The following UBE3A variants were observed in gnomAD, a reference collection of about 807,000 sequenced individuals.
The protein encoded by UBE3A is ubiquitin protein ligase E3A, also known as ubiquitin-protein ligase E3A.
In UBE3A, 6 loss-of-function variants were observed where a neutral mutation model predicts 83.4. The observed-to-expected ratio is 0.07, with a 90% CI of 0.04 to 0.14. UBE3A has a LOEUF of 0.14. Ranked by LOEUF, UBE3A falls within the 10% of genes least tolerant of loss-of-function variation. UBE3A has a pLI of 1.00. For missense variants in UBE3A, 456 were observed against 1,036.1 expected (o/e 0.44, Z 7.69); for synonymous variants, 337 against 355.4 (o/e 0.95, Z 0.58).
intron 6 of UBE3A, among the ~76,000 whole-genome samples, chr15:25,367,211 ATG>A (rs2079337391): frequency 9.6e-6 from 1 of 104,486 alleles, no homozygotes; most frequent in Non-Finnish European, 1.8e-5. Context: ...ATTTGTAAAT[ATG>A]TAAATATTTA....
intron 6 of UBE3A, among the ~76,000 whole-genome samples, chr15:25,364,031 A>G (rs1566926260): frequency 1.5e-5 from 1 of 67,686 alleles, no homozygotes; most frequent in South Asian, 4.0e-4. Context: ...GTTTCTACAA[A>G]AAACTAATAA....
intron 1 of UBE3A, chr15:25,415,722 C>T (rs185520049): frequency 1.3e-5 from 2 of 152,002 alleles, no homozygotes; most frequent in East Asian, 3.9e-4. Context: ...TACATTACAG[C>T]TATCTGTATA....
At chr15:25,389,261 C>CAAAAAA in intron 4 of UBE3A, among the ~76,000 whole-genome samples, 1 of 146,184 alleles carries the variant, frequency 6.8e-6, no homozygotes, top group Non-Finnish European at 1.5e-5. Flanking sequence ...CATCCACATG[C>CAAAAAA]AAAAAAAAAA....
intron 12 of UBE3A, 96 bp downstream of exon 12, chr15:25,339,989 G>T (rs879573421): frequency 1.1e-5 from 17 of 1,486,092 alleles, no homozygotes; most frequent in Admixed American, 3.4e-5. Flanking sequence ...ATAAAATCAC[G>T]AATGTGCTCA....
At chr15:25,425,857 G>A (rs1249870828) in intron 1 of UBE3A, among the ~76,000 whole-genome samples, 1 of 152,106 alleles carries the variant, frequency 6.6e-6, no homozygotes, top group African/African-American at 2.4e-5. Context: ...AACTTTTCAT[G>A]ATTTATGAGC....
At chr15:25,428,863 C>A (rs1019038668) in intron 1 of UBE3A, among the ~76,000 whole-genome samples, 1 of 152,110 alleles carries the variant, frequency 6.6e-6, no homozygotes, top group Non-Finnish European at 1.5e-5. Flanking sequence ...CCAGCAATTT[C>A]ACTTCTACGG....
At chr15:25,389,632 C>T (rs1161736478) in intron 4 of UBE3A, among the ~76,000 whole-genome samples, 1 of 152,130 alleles carries the variant, frequency 6.6e-6, no homozygotes, top group African/African-American at 2.4e-5. Context: ...TGGTGGCTCA[C>T]ATCCCAGCAC....
intron 3 of UBE3A, chr15:25,407,205 A>T (rs553139617): frequency 2.3e-6 from 3 of 1,313,528 alleles, no homozygotes; most frequent in Admixed American, 2.1e-5. Context: ...CCAGCATCAG[A>T]TGTCATACTG....
At chr15:25,427,202 G>A (rs1424851040) in intron 1 of UBE3A, among the ~76,000 whole-genome samples, 1 of 151,966 alleles carries the variant, frequency 6.6e-6, no homozygotes, top group Non-Finnish European at 1.5e-5. Flanking sequence ...AACATTTACT[G>A]TTCTCAAAAT....
chr15:25,408,585 G>A, intron 3 of UBE3A: 5 of 1,613,626 alleles, frequency 3.1e-6, no homozygotes, highest in Middle Eastern at 1.7e-4. Context: ...TCTGAATACT[G>A]CAGCATGAGC....
At chr15:25,427,623 A>AAC (rs1567180802) in intron 1 of UBE3A, among the ~76,000 whole-genome samples, 4 of 148,146 alleles carry the variant, frequency 2.7e-5, no homozygotes, top group Non-Finnish European at 6.0e-5. Flanking sequence ...AAAAAAAAAA[A>AAC]AAAAAAAACC....
At chr15:25,418,227 G>C (rs182106790) in intron 1 of UBE3A, 1 of 152,018 alleles carries the variant, frequency 6.6e-6, no homozygotes, top group East Asian at 1.9e-4. Flanking sequence ...GTCAGCATGC[G>C]GCACATGACT....
intron 6 of UBE3A, among the ~76,000 whole-genome samples, chr15:25,369,832 T>A (rs1213784374): frequency 6.6e-6 from 1 of 152,134 alleles, no homozygotes; most frequent in Non-Finnish European, 1.5e-5. Flanking sequence ...GGCAACCCCA[T>A]CTGGAAAACC....
In UBE3A at chr15:25,370,411, G is replaced by T. The variant is rs930366980; in HGVS notation, c.1608+155C>A. Among the ~76,000 whole-genome samples, 1 of 152,020 alleles carries T rather than the reference G, an allele frequency of 6.6e-6. No homozygotes were observed. Among genetic ancestry groups the T allele is most frequent in the Non-Finnish European group, 1.5e-5 (1 of 68,012 alleles). ...AGAACACATCTATAAACTTGCACAG[G>T]AACAACAAAAGTATAATACTTATAT... is the stretch of plus-strand genomic sequence containing the variant. On this transcript the variant is annotated intron_variant, in intron 6 of 12. Transcript: ENST00000648336. This position sits in a 1 kb window ranked among gnomAD's most constrained non-coding sequence, Gnocchi z 4.2.
chr15:25,352,239 A>T (rs950386959), intron 11 of UBE3A, among the ~76,000 whole-genome samples: 1 of 152,326 alleles, frequency 6.6e-6, no homozygotes, highest in African/African-American at 2.4e-5. Flanking sequence ...AGTGGTTTAC[A>T]TATTAATGAT....
At chr15:25,429,846 A>G (rs1892538073) in intron 1 of UBE3A, among the ~76,000 whole-genome samples, 1 of 150,604 alleles carries the variant, frequency 6.6e-6, no homozygotes, top group African/African-American at 2.5e-5. Flanking sequence ...ATCTACTAAA[A>G]ATACAAAAAT....
rs2080137477 is a variant in UBE3A, at chr15:25,370,432, TATATA to T, written c.1608+129_1608+133del. The T allele has an allele frequency of 1.9e-6, 2 of 1,062,008 alleles. No individual in the cohort carries two copies. Among genetic ancestry groups the T allele is most frequent in the Non-Finnish European group, 2.9e-6 (2 of 693,708 alleles). The allele number at this position is 1,062,008 out of a possible 1,614,324, so 65.8% of individuals were successfully genotyped here. A position where few individuals can be genotyped will look rare whatever the true frequency, so the allele number is the denominator to read the frequency against. ...ACAGGAACAACAAAAGTATAATACT[TATATA>T]AGATCAGAAATGTCCATGTGTTCCT... On this transcript the variant is annotated intron_variant, in intron 6 of 12. Coordinates refer to ENST00000648336, the MANE Select transcript of UBE3A (RefSeq NM_130839.5). This position sits in a 1 kb window ranked among gnomAD's most constrained non-coding sequence, Gnocchi z 4.2.
chr15:25,432,250 C>A (rs1893694814), intron 1 of UBE3A, among the ~76,000 whole-genome samples: 1 of 152,116 alleles, frequency 6.6e-6, no homozygotes, highest in African/African-American at 2.4e-5. Flanking sequence ...TTATTGTTTT[C>A]AGTATTTCTA....
At chr15:25,340,063 T>TC in intron 12 of UBE3A, 22 bp downstream of exon 12, 1 of 1,613,976 alleles carries the variant, frequency 6.2e-7, no homozygotes. Context: ...AGGTATACAG[T>TC]CACAAGTTAA....
Sources: gnomAD v4.1 joint callset for allele counts (sites outside exome capture counted in the v4.1 genomes callset) on GRCh38, gnomAD v4.1.1 for gene constraint, Gnocchi (gnomAD v3.1) non-coding constraint, MANE v1.5 for transcripts, NCBI Gene and HGNC (gene_info 2026-07-23, HGNC 2026-07-21) for gene names.